The following GRM1 variants were observed in gnomAD, a reference collection of about 807,000 sequenced individuals.
GRM1 encodes the protein glutamate metabotropic receptor 1, also known as metabotropic glutamate receptor 1.
A neutral mutation model predicts 90.9 loss-of-function variants in GRM1; 33 were observed. The observed-to-expected ratio is 0.36, with a 90% confidence interval of 0.28 to 0.49. GRM1 has a LOEUF of 0.49. GRM1 is among the 20% of genes least tolerant of loss of function. The pLI, the probability that GRM1 is intolerant of heterozygous loss-of-function variation, is 0.99. For synonymous variants in GRM1, 700 were observed against 613.2 expected (o/e 1.14, Z -2.09); for missense variants, 1,190 against 1,534.3 (o/e 0.78, Z 3.75).
chr6:146,177,523 A>C (rs73573178), intron 2 of GRM1, among the ~76,000 whole-genome samples: 2,472 of 152,188 alleles, frequency 0.016, 71 homozygotes, highest in African/African-American at 0.056. Context: ...TCAGTTTCAG[A>C]GCTTTTAATC....
chr6:146,131,049 G>A (rs1378681490), intron 1 of GRM1, among the ~76,000 whole-genome samples: 2 of 152,094 alleles, frequency 1.3e-5, no homozygotes, highest in Non-Finnish European at 2.9e-5. Flanking sequence ...CTTCTCCCTG[G>A]AGCAAAGTTA....
chr6:146,129,727 T>C (rs1176468944), intron 1 of GRM1, among the ~76,000 whole-genome samples: 1 of 152,112 alleles, frequency 6.6e-6, no homozygotes, highest in Admixed American at 6.6e-5. Flanking sequence ...TTTTGCGTGG[T>C]CATTATTAGG....
intron 2 of GRM1, among the ~76,000 whole-genome samples, chr6:146,167,475 C>G (rs1355588621): frequency 6.6e-6 from 1 of 152,006 alleles, no homozygotes; most frequent in Non-Finnish European, 1.5e-5. Flanking sequence ...TGACTATTTT[C>G]CAAAGTGGCC....
chr6:146,400,953 A>G (rs1206466699), intron 7 of GRM1, among the ~76,000 whole-genome samples: 1 of 152,100 alleles, frequency 6.6e-6, no homozygotes, highest in Non-Finnish European at 1.5e-5. Flanking sequence ...CAAATGTGAT[A>G]GTAGAATTTT....
intron 3 of GRM1, among the ~76,000 whole-genome samples, chr6:146,323,984 G>A (rs970699855): frequency 4.6e-5 from 7 of 152,168 alleles, no homozygotes; most frequent in African/African-American, 1.7e-4. Flanking sequence ...ATGCTGTTTT[G>A]TTTACTGTAG....
chr6:146,291,503 A>C (rs553003212), intron 2 of GRM1, among the ~76,000 whole-genome samples: 1 of 151,648 alleles, frequency 6.6e-6, no homozygotes, highest in Admixed American at 6.6e-5. Flanking sequence ...ATATTTAGGA[A>C]AATTTTTGTT....
At chr6:146,216,521 C>T (rs1305372438) in intron 2 of GRM1, among the ~76,000 whole-genome samples, 1 of 152,092 alleles carries the variant, frequency 6.6e-6, no homozygotes, top group African/African-American at 2.4e-5. Context: ...AACAGCTTGA[C>T]CTGAAGTTTG....
intron 3 of GRM1, among the ~76,000 whole-genome samples, chr6:146,325,632 C>T (rs895704353): frequency 6.6e-6 from 1 of 152,160 alleles, no homozygotes; most frequent in Non-Finnish European, 1.5e-5. Flanking sequence ...GCTAGGAATC[C>T]CACATTCTCT....
At position 146,159,643 on chromosome 6, in the gene GRM1, A is replaced by T. The variant is rs370605538; in HGVS notation, c.950+46A>T. On this transcript the variant is annotated intron_variant, in intron 2 of 7. Transcript: ENST00000282753. ...CTCTCTCTCTCTCTCTCTCTCTCTC[A>T]CACACACACATGCACACACACACTT... 8,679 of 1,152,522 alleles carry T rather than the reference A, an allele frequency of 7.5e-3. 24 individuals carry two copies. The highest frequency in any genetic ancestry group is 8.6e-3 in the Non-Finnish European group (7,026 of 816,950). 71.4% of individuals were successfully genotyped at this position (1,152,522 alleles called of 1,614,324 possible).
intron 2 of GRM1, among the ~76,000 whole-genome samples, chr6:146,164,714 G>A (rs1041011937): frequency 6.6e-6 from 1 of 152,052 alleles, no homozygotes; most frequent in African/African-American, 2.4e-5. Context: ...CTCCACTAAA[G>A]ACACACTATT....
At chr6:146,142,048 A>G (rs1298792681) in intron 1 of GRM1, among the ~76,000 whole-genome samples, 3 of 152,156 alleles carry the variant, frequency 2.0e-5, no homozygotes, top group African/African-American at 7.2e-5. Context: ...CCAGGTATTC[A>G]AAGGGACTTG....
At chr6:146,028,729 T>C (rs1582896499), upstream of GRM1, among the ~76,000 whole-genome samples, 1 of 152,182 alleles carries the variant, frequency 6.6e-6, no homozygotes, top group East Asian at 1.9e-4. Context: ...CTTCAACCCC[T>C]CAAAATTAAA....
Position 146,433,828 on chromosome 6 carries a change from G to A in GRM1, c.2661-44G>A, listed in dbSNP as rs77825355. 0.031 allele frequency: 40,677 copies of A among 1,318,172 alleles called. 787 individuals are homozygous for A. The highest frequency in any genetic ancestry group is 0.071 in the East Asian group (3,105 of 43,550). The allele number at this position is 1,318,172 out of a possible 1,614,324, so 81.7% of individuals were successfully genotyped here. ...GTTTTCTATGTATTTTATCCTGTGT[G>A]CATGATCTATCTGCAAATAAATCCA... is the stretch of plus-strand genomic sequence containing the variant. On this transcript the variant is annotated intron_variant, in intron 7 of 7. Transcript: ENST00000282753.
chr6:146,261,213 C>A (rs907494462), intron 2 of GRM1, among the ~76,000 whole-genome samples: 2 of 151,866 alleles, frequency 1.3e-5, no homozygotes, highest in African/African-American at 4.8e-5. Flanking sequence ...AAATAAAATG[C>A]CAAGGAGAAA....
chr6:146,409,821 A>G (rs766622109), intron 7 of GRM1, among the ~76,000 whole-genome samples: 5 of 152,200 alleles, frequency 3.3e-5, no homozygotes, highest in Non-Finnish European at 7.3e-5. Flanking sequence ...CTCTATGCAA[A>G]TTATCTGTAA....
At chr6:146,101,333 C>T (rs1171608548) in intron 1 of GRM1, among the ~76,000 whole-genome samples, 1 of 152,104 alleles carries the variant, frequency 6.6e-6, no homozygotes, top group African/African-American at 2.4e-5. Flanking sequence ...CTAGACTTTG[C>T]TTATCATTTC....
chr6:146,148,206 T>C (rs913030419), intron 1 of GRM1, among the ~76,000 whole-genome samples: 2 of 152,186 alleles, frequency 1.3e-5, no homozygotes, highest in Non-Finnish European at 2.9e-5. Context: ...TTTTCATCCC[T>C]ATGTATTTTT....
At chr6:146,058,373 G>A (rs1775552726) in intron 1 of GRM1, among the ~76,000 whole-genome samples, 2 of 152,070 alleles carry the variant, frequency 1.3e-5, no homozygotes, top group South Asian at 4.1e-4. Flanking sequence ...TTAAACTTAT[G>A]TTTACACTAT....
intron 1 of GRM1, among the ~76,000 whole-genome samples, chr6:146,039,250 G>A (rs1562421132): frequency 6.6e-6 from 1 of 152,018 alleles, no homozygotes; most frequent in Non-Finnish European, 1.5e-5. Context: ...GGGAAGCAGT[G>A]AGGGAAAGCT....
Sources: allele counts gnomAD v4.1 joint callset (sites outside exome capture counted in the v4.1 genomes callset), GRCh38; gene constraint gnomAD v4.1.1; transcripts MANE v1.5; gene names NCBI Gene and HGNC (gene_info 2026-07-23, HGNC 2026-07-21).